The following LIMCH1 variants were observed in gnomAD, a reference collection of about 807,000 sequenced individuals.
The protein encoded by LIMCH1 is LIM and calponin homology domains 1, also known as LIM and calponin homology domains-containing protein 1.
LIMCH1 carries 113 observed loss-of-function variants against 176.5 expected under a neutral mutation model. That is an observed-to-expected ratio of 0.64 (90% CI 0.55 to 0.75). LIMCH1 has a LOEUF of 0.75. Ranked by LOEUF, LIMCH1 falls within the 30% of genes least tolerant of loss-of-function variation. The probability of loss-of-function intolerance (pLI) is 0.00; values close to 1 mark genes in which losing one functional copy is unlikely to be tolerated. For missense variants in LIMCH1, 1,674 were observed against 1,814.9 expected (o/e 0.92, Z 1.41); for synonymous variants, 619 against 645.9 (o/e 0.96, Z 0.63).
At chr4:41,512,712 C>G (rs1460007372) in intron 2 of LIMCH1, among the ~76,000 whole-genome samples, 1 of 152,106 alleles carries the variant, frequency 6.6e-6, no homozygotes, top group Non-Finnish European at 1.5e-5. Flanking sequence ...TCTATAGAGA[C>G]AGAAGGCAAA....
intron 1 of LIMCH1, among the ~76,000 whole-genome samples, chr4:41,458,643 A>G (rs914941916): frequency 7.9e-5 from 12 of 151,728 alleles, no homozygotes; most frequent in Non-Finnish European, 1.6e-4. Flanking sequence ...GCGTGGTGGC[A>G]TGCACCTGTA....
At position 41,646,103 on chromosome 4, in the gene LIMCH1, T is replaced by C. The variant is rs139041519; in HGVS notation, c.2254-20T>C. The C allele has an allele frequency of 2.4e-4, 390 of 1,593,720 alleles. No individual in the cohort carries two copies. In the African/African-American group the frequency reaches 4.5e-3, roughly 18 times the overall value. On this transcript the variant is annotated intron_variant, in intron 15 of 31. Transcript: ENST00000503057. ...TGCACAAGTCTGAAGAAGAATATTA[T>C]ATCTTTCTTTCCCTGCCAGGACCTG...
intron 7 of LIMCH1, among the ~76,000 whole-genome samples, chr4:41,623,778 A>G (rs2092753229): frequency 6.6e-6 from 1 of 152,204 alleles, no homozygotes; most frequent in Admixed American, 6.5e-5. Context: ...GGCAGTATAC[A>G]AAAGGGAGCA....
chr4:41,441,728 C>T (rs779943782), intron 1 of LIMCH1, among the ~76,000 whole-genome samples: 1 of 151,954 alleles, frequency 6.6e-6, no homozygotes, highest in Non-Finnish European at 1.5e-5. Flanking sequence ...TTTTCTTTTT[C>T]TTGGTTTTTA....
chr4:41,504,156 A>G (rs906097339), intron 2 of LIMCH1, among the ~76,000 whole-genome samples: 78 of 152,196 alleles, frequency 5.1e-4, no homozygotes, highest in African/African-American at 1.7e-3. Flanking sequence ...GCTGTCTCCT[A>G]GAATAAGGCC....
intron 1 of LIMCH1, among the ~76,000 whole-genome samples, chr4:41,422,712 C>T (rs1259858641): frequency 6.6e-6 from 1 of 152,054 alleles, no homozygotes; most frequent in Non-Finnish European, 1.5e-5. Flanking sequence ...TTGTGGTTTT[C>T]CTGTGTGGCT....
chr4:41,527,328 G>A (rs997531122), intron 3 of LIMCH1, among the ~76,000 whole-genome samples: 2 of 152,262 alleles, frequency 1.3e-5, no homozygotes, highest in East Asian at 1.9e-4. Flanking sequence ...AAGTGGTTTC[G>A]TATTCATGTC....
intron 1 of LIMCH1, among the ~76,000 whole-genome samples, chr4:41,574,262 C>G: frequency 2.4e-4 from 2 of 8,422 alleles, no homozygotes; most frequent in African/African-American, 4.7e-4. Flanking sequence ...CCCCTCCCCT[C>G]CCCTCCCCTC....
intron 1 of LIMCH1, among the ~76,000 whole-genome samples, chr4:41,435,196 C>A (rs2154138237): frequency 6.6e-6 from 1 of 152,192 alleles, no homozygotes; most frequent in Non-Finnish European, 1.5e-5. Flanking sequence ...CCAGTGGACC[C>A]TATGTTACCA....
intron 1 of LIMCH1, among the ~76,000 whole-genome samples, chr4:41,580,186 C>G (rs746592182): frequency 2.6e-5 from 4 of 152,034 alleles, no homozygotes; most frequent in Non-Finnish European, 5.9e-5. Context: ...GTTTCGTGTC[C>G]GTTTTCAAAG....
At chr4:41,419,815 C>T (rs1279028992) in intron 1 of LIMCH1, among the ~76,000 whole-genome samples, 4 of 148,186 alleles carry the variant, frequency 2.7e-5, no homozygotes, top group African/African-American at 7.8e-5. Context: ...CCTTTCTTCC[C>T]TTCCCTCTTC....
intron 1 of LIMCH1, among the ~76,000 whole-genome samples, chr4:41,390,549 C>G (rs991026697): frequency 3.9e-5 from 6 of 152,126 alleles, no homozygotes; most frequent in African/African-American, 1.4e-4. Flanking sequence ...ATACATGATG[C>G]CCAGTTAGAT....
chr4:41,510,884 C>T (rs375674572), intron 2 of LIMCH1, among the ~76,000 whole-genome samples: 21 of 152,114 alleles, frequency 1.4e-4, no homozygotes, highest in African/African-American at 4.1e-4. Flanking sequence ...CCACCGCACC[C>T]GACCAAATGA....
chr4:41,634,698 C>T (rs564315641), intron 13 of LIMCH1, among the ~76,000 whole-genome samples: 11 of 152,312 alleles, frequency 7.2e-5, no homozygotes, highest in South Asian at 2.1e-4. Flanking sequence ...TGCTTTGTAG[C>T]GTTTCCTGTG....
intron 1 of LIMCH1, among the ~76,000 whole-genome samples, chr4:41,487,390 C>A (rs2069805000): frequency 6.6e-6 from 1 of 152,142 alleles, no homozygotes; most frequent in South Asian, 2.1e-4. Context: ...GGGAGAGGGA[C>A]AACAGAGAGC....
At chr4:41,446,646 A>G (rs2063319239) in intron 1 of LIMCH1, among the ~76,000 whole-genome samples, 1 of 152,260 alleles carries the variant, frequency 6.6e-6, no homozygotes, top group African/African-American at 2.4e-5. Flanking sequence ...TTAGGCAACT[A>G]GGAGGAATTT....
chr4:41,478,670 C>T (rs1349802095), intron 1 of LIMCH1, among the ~76,000 whole-genome samples: 1 of 152,196 alleles, frequency 6.6e-6, no homozygotes, highest in African/African-American at 2.4e-5. Flanking sequence ...GTGTTCTTGG[C>T]AGAGCCTCTA....
intron 1 of LIMCH1, among the ~76,000 whole-genome samples, chr4:41,457,172 G>A (rs560367514): frequency 3.3e-5 from 5 of 152,076 alleles, no homozygotes; most frequent in Admixed American, 6.6e-5. Flanking sequence ...TCTCAATTTA[G>A]ACAAGTTTTC....
At chr4:41,607,162 A>T (rs1332238604) in intron 4 of LIMCH1, among the ~76,000 whole-genome samples, 9 of 152,134 alleles carry the variant, frequency 5.9e-5, no homozygotes, top group Admixed American at 5.9e-4. Flanking sequence ...ACTCTTCCTC[A>T]TTTCTCTAGT....
Sources: gnomAD v4.1 joint callset for allele counts (sites outside exome capture counted in the v4.1 genomes callset) on GRCh38, gnomAD v4.1.1 for gene constraint, MANE v1.5 for transcripts, NCBI Gene and HGNC (gene_info 2026-07-23, HGNC 2026-07-21) for gene names.